The following NKD1 variants were observed in gnomAD, a reference collection of about 807,000 sequenced individuals.
NKD1 encodes the protein protein naked cuticle homolog 1.
Under a neutral mutation model 56.0 loss-of-function variants are expected in NKD1, and 21 were observed. That is an observed-to-expected ratio of 0.38 (90% CI 0.27 to 0.54). The LOEUF (loss-of-function observed/expected upper bound fraction) is 0.54, where lower values mean the gene tolerates loss of function less well. Among genes scored for constraint, NKD1 ranks in the 20% least tolerant of loss-of-function variants. NKD1 has a pLI of 0.82. For synonymous variants in NKD1, 263 were observed against 265.7 expected, an observed-to-expected ratio of 0.99 and a Z score of 0.10; for missense variants, 578 against 642.7, an observed-to-expected ratio of 0.90 and a Z score of 1.09.
chr16:50,590,557 C>T (rs752345508), intron 3 of NKD1, among the ~76,000 whole-genome samples: 1 of 152,182 alleles, frequency 6.6e-6, no homozygotes, highest in Admixed American at 6.5e-5. Context: ...GTTTTCCAAG[C>T]GCTTTACAAA....
chr16:50,627,435 C>T (rs1036748621), intron 6 of NKD1, among the ~76,000 whole-genome samples: 4 of 152,200 alleles, frequency 2.6e-5, no homozygotes, highest in African/African-American at 7.2e-5. Context: ...TGGCCCAGCC[C>T]GGCCCTGGAG....
intron 3 of NKD1, among the ~76,000 whole-genome samples, chr16:50,562,666 C>A (rs1960659685): frequency 1.3e-5 from 2 of 152,062 alleles, no homozygotes; most frequent in South Asian, 4.1e-4. Flanking sequence ...GTTTCCTGAG[C>A]CTGAGTCAGA....
rs1443647601 is a variant in NKD1, at chr16:50,623,614, G to C, written c.367-1871G>C. On this transcript the variant is annotated intron_variant, in intron 5 of 9. Coordinates refer to ENST00000268459, the MANE Select transcript of NKD1 (RefSeq NM_033119.5). The surrounding 1 kb of genome is among the most constrained non-coding windows in gnomAD (Gnocchi z 4.1). ...TCAACTGAGCTGAGAAGCCCAGGTG[G>C]GGTGTGGGAGAGGCCTAGGAGACCC... Among the ~76,000 whole-genome samples the C allele has an allele frequency of 6.6e-6, 1 of 152,126 alleles. No homozygotes were observed. Among genetic ancestry groups the C allele is most frequent in the Non-Finnish European group, 1.5e-5 (1 of 68,016 alleles).
intron 6 of NKD1, among the ~76,000 whole-genome samples, chr16:50,628,950 C>T (rs1175748135): frequency 1.5e-5 from 2 of 135,864 alleles, no homozygotes; most frequent in Non-Finnish European, 3.1e-5. Context: ...CTTCTAGTGT[C>T]TCTTCCTTTT....
chr16:50,589,162 C>T (rs747851168), intron 3 of NKD1, among the ~76,000 whole-genome samples: 1 of 152,132 alleles, frequency 6.6e-6, no homozygotes, highest in Non-Finnish European at 1.5e-5. Flanking sequence ...TCTTGGTGAG[C>T]CTTGGGCCTG....
rs975918074 is a variant in NKD1, at chr16:50,632,318, T to TA, written c.734dup (p.Tyr245Ter). The TA allele has an allele frequency of 1.9e-6, 3 of 1,614,022 alleles. No homozygotes were observed. The highest frequency in any genetic ancestry group is 2.5e-6 in the Non-Finnish European group (3 of 1,179,990). Residue 245 changes from tyrosine (Y) to a stop codon, truncating the protein, a stop_gained and frameshift_variant, in exon 9 of 10, where the codon TAC becomes TAAC. Transcript: ENST00000268459. LOFTEE classifies it high-confidence loss of function. The surrounding 1 kb of genome is among the most constrained non-coding windows in gnomAD (Gnocchi z 4.1). ...CAGCCGCCTGGAGCAGTCTGGCTGCTACCACCATTGCGTAGATGAGAACAT... is the reference window on the plus strand; with the variant it reads ...CAGCCGCCTGGAGCAGTCTGGCTGCTAACCACCATTGCGTAGATGAGAACAT... ...GDSRLEQSGC[Y>*]HHCVDENIER...
intron 3 of NKD1, chr16:50,574,091 C>A: frequency 1.2e-6 from 1 of 817,004 alleles, no homozygotes; most frequent in Non-Finnish European, 1.5e-6. Flanking sequence ...ACTGAGGCTC[C>A]AAGTGGCAGA....
chr16:50,625,617 A>C (rs1962192786), intron 6 of NKD1, 37 bp downstream of exon 6: 2 of 1,326,648 alleles, frequency 1.5e-6, no homozygotes, highest in Admixed American at 1.7e-5. Context: ...CGTGTATCAT[A>C]CCCGCAGGCA....
At chr16:50,627,831 A>T (rs1962257425) in intron 6 of NKD1, among the ~76,000 whole-genome samples, 1 of 152,086 alleles carries the variant, frequency 6.6e-6, no homozygotes, top group Non-Finnish European at 1.5e-5. Context: ...TGCTGGGACC[A>T]CCCCCATCCT....
chr16:50,630,504 G>A (rs1394639726), intron 7 of NKD1, among the ~76,000 whole-genome samples, 171 bp downstream of exon 7: 1 of 152,110 alleles, frequency 6.6e-6, no homozygotes, highest in Non-Finnish European at 1.5e-5. Flanking sequence ...GTGGGAAGGG[G>A]AGGGAAGGGA....
chr16:50,616,616 G>A (rs111752973), intron 4 of NKD1, among the ~76,000 whole-genome samples: 12 of 152,266 alleles, frequency 7.9e-5, no homozygotes, highest in African/African-American at 2.4e-4. Context: ...TGGGCAACCC[G>A]GGAGCAGAAG....
At chr16:50,610,060 G>A (rs1961808699) in intron 4 of NKD1, among the ~76,000 whole-genome samples, 1 of 152,184 alleles carries the variant, frequency 6.6e-6, no homozygotes, top group Admixed American at 6.5e-5. Context: ...GTTGGGCATG[G>A]TGGCTCAAAC....
At chr16:50,593,930 G>A (rs1961422112) in intron 3 of NKD1, among the ~76,000 whole-genome samples, 1 of 152,172 alleles carries the variant, frequency 6.6e-6, no homozygotes, top group African/African-American at 2.4e-5. Context: ...GGAAGGGGGC[G>A]CTGGAGACCA....
intron 3 of NKD1, among the ~76,000 whole-genome samples, chr16:50,586,352 C>T (rs991662997): frequency 1.4e-5 from 2 of 141,982 alleles, no homozygotes; most frequent in Non-Finnish European, 1.5e-5. Flanking sequence ...GCGTGGATCA[C>T]TGAGTCACAG....
chr16:50,626,265 G>A (rs948289442), intron 6 of NKD1, among the ~76,000 whole-genome samples: 1 of 152,240 alleles, frequency 6.6e-6, no homozygotes. Flanking sequence ...TACTAGGCAT[G>A]AGGACACAGC....
rs915486710 is a variant in NKD1 at position 50,639,182 on chromosome 16, T to C, written c.*5401T>C. On this transcript the variant is annotated 3_prime_UTR_variant, in exon 10 of 10. Transcript: ENST00000268459. ...TGATGTTTCAGGCCCCCAGGTGACT[T>C]CTTAGGCAGCCCAGCTAAGCCCCTA... The C allele has an allele frequency of 2.0e-5, 3 of 151,930 alleles. No homozygotes were observed. The highest frequency in any genetic ancestry group is 7.3e-5 in the African/African-American group (3 of 41,308). 9.4% of individuals were successfully genotyped at this position (151,930 alleles called of 1,614,324 possible). A position where few individuals can be genotyped will look rare whatever the true frequency, so the allele number is the denominator to read the frequency against.
Position 50,549,439 on chromosome 16 carries a change from A to G in NKD1, c.76A>G (p.Ser26Gly). 2 of 1,611,344 alleles carry G rather than the reference A, an allele frequency of 1.2e-6. No individual in the cohort carries two copies. The highest frequency in any genetic ancestry group is 1.7e-6 in the Non-Finnish European group (2 of 1,178,918). ...ESPEGDSFAV[S>G]AAWARKGIEE... ...CGTCCCAGGTGACAGCTTCGCCGTG[A>G]GCGCTGCCTGGGCTCGGAAGGGCAT... The change falls in exon 3 of 10, where the codon AGC (serine) becomes GGC (glycine). Residue 26 changes from serine (S) to glycine (G), a missense_variant. By Grantham distance (56) the Ser-to-Gly change is moderately conservative. Coordinates refer to ENST00000268459, the MANE Select transcript of NKD1 (RefSeq NM_033119.5).
chr16:50,628,524 G>A (rs553168227), intron 6 of NKD1, among the ~76,000 whole-genome samples: 1 of 152,282 alleles, frequency 6.6e-6, no homozygotes, highest in Admixed American at 6.5e-5. Context: ...ATTTAAAGCA[G>A]GACATTGCCC....
chr16:50,612,029 C>G (rs1409514431), intron 4 of NKD1, among the ~76,000 whole-genome samples: 1 of 152,152 alleles, frequency 6.6e-6, no homozygotes, highest in African/African-American at 2.4e-5. Flanking sequence ...TTCTTTAATC[C>G]TGTTAGAATC....
Sources: allele counts gnomAD v4.1 joint callset (sites outside exome capture counted in the v4.1 genomes callset), GRCh38; gene constraint gnomAD v4.1.1; non-coding constraint Gnocchi (gnomAD v3.1); transcripts MANE v1.5; gene names NCBI Gene and HGNC (gene_info 2026-07-23, HGNC 2026-07-21).